Variants in ATP6V0A4 observed in about 807,000 individuals in gnomAD.
The protein encoded by ATP6V0A4 is ATPase H+ transporting V0 subunit a4.
A neutral mutation model predicts 107.3 loss-of-function variants in ATP6V0A4; 86 were observed. That is an observed-to-expected ratio of 0.80 (90% CI 0.67 to 0.96). The LOEUF (loss-of-function observed/expected upper bound fraction) is 0.96. Ranked by LOEUF, ATP6V0A4 falls within the 40% of genes least tolerant of loss-of-function variation. The pLI, the probability that ATP6V0A4 is intolerant of heterozygous loss-of-function variation, is 0.00. For synonymous variants in ATP6V0A4, 353 were observed against 381.4 expected (o/e 0.93, Z 0.87); for missense variants, 908 against 1,045.6 (o/e 0.87, Z 1.81).
chr7:138,740,121 G>C lies in ATP6V0A4; in HGVS notation c.1479-488C>G, dbSNP rs562326360. Among the ~76,000 whole-genome samples the C allele has an allele frequency of 5.9e-5, 9 of 151,436 alleles. No homozygotes were observed. In the East Asian group the frequency reaches 1.4e-3, roughly 23 times the overall value. On this transcript the variant is annotated intron_variant, in intron 14 of 21. Coordinates refer to ENST00000310018, the MANE Select transcript of ATP6V0A4 (RefSeq NM_020632.3). ...AGGAAAAAAAAAAAAAAGGGAGAAGGGGGAGAGGGGACAGAAGGGGAAAGG... is the reference window on the plus strand; with the variant it reads ...AGGAAAAAAAAAAAAAAGGGAGAAGCGGGAGAGGGGACAGAAGGGGAAAGG...
chr7:138,752,000 G>A (rs1311244266), intron 11 of ATP6V0A4, among the ~76,000 whole-genome samples: 1 of 151,988 alleles, frequency 6.6e-6, no homozygotes. Context: ...GTGTCATAGC[G>A]AGGTCCCCAT....
At chr7:138,755,883 G>A in intron 9 of ATP6V0A4, 101 bp from the exon 10 acceptor site, 1 of 1,544,246 alleles carries the variant, frequency 6.5e-7, no homozygotes. Flanking sequence ...TTAGTTAGAT[G>A]GCCAGCCTAT....
At chr7:138,784,323 T>TATATGTA (rs1491339515) in intron 2 of ATP6V0A4, among the ~76,000 whole-genome samples, 6 of 112,196 alleles carry the variant, frequency 5.3e-5, no homozygotes, top group African/African-American at 2.9e-4. Context: ...TATATATGTA[T>TATATGTA]TTTTTTTTTT....
chr7:138,797,977 A>G (rs1309773215), intron 1 of ATP6V0A4, 57 bp downstream of exon 1: 1 of 1,544,568 alleles, frequency 6.5e-7, no homozygotes. Context: ...AACACCCAGC[A>G]TAAGTTCACC....
At chr7:138,752,241 G>T (rs441528) in intron 11 of ATP6V0A4, among the ~76,000 whole-genome samples, 92,026 of 151,660 alleles carry the variant, frequency 0.61, 27,938 homozygotes, top group African/African-American at 0.62. Flanking sequence ...GTGGTAGGGC[G>T]CACCTGTAAT....
intron 18 of ATP6V0A4, among the ~76,000 whole-genome samples, chr7:138,725,883 C>T (rs973242866): frequency 3.9e-5 from 6 of 152,060 alleles, no homozygotes; most frequent in South Asian, 2.1e-4. Flanking sequence ...GTTCATGCTG[C>T]GATACTTCAT....
In ATP6V0A4 at chr7:138,713,017, G is replaced by A. The variant is rs149242442; in HGVS notation, c.2257+2747C>T. Among the ~76,000 whole-genome samples, 1,081 of 152,110 alleles carry A rather than the reference G, an allele frequency of 7.1e-3. 12 individuals are homozygous for A. Among genetic ancestry groups the A allele is most frequent in the African/African-American group, 0.024 (977 of 41,500 alleles). On this transcript the variant is annotated intron_variant, in intron 20 of 21. Transcript: ENST00000310018. ...CAGGAGTAAAGACATGCGGCCGGGC[G>A]CGGTGGCTCACGCCTGTAATTCCAG...
intron 11 of ATP6V0A4, among the ~76,000 whole-genome samples, chr7:138,751,503 C>T (rs1371652128): frequency 6.6e-6 from 1 of 151,432 alleles, no homozygotes; most frequent in Non-Finnish European, 1.5e-5. Flanking sequence ...CCCCACTCTC[C>T]ATCCTGCCCC....
At chr7:138,748,251 T>C (rs1806055786) in intron 12 of ATP6V0A4, among the ~76,000 whole-genome samples, 1 of 152,098 alleles carries the variant, frequency 6.6e-6, no homozygotes, top group Admixed American at 6.6e-5. Flanking sequence ...ACCATTCACA[T>C]GCACCACACA....
rs754249180 is a variant in ATP6V0A4 at position 138,747,560 on chromosome 7, G to A, written c.1185C>T (p.Pro395=). 10 of 1,613,894 alleles carry A rather than the reference G, an allele frequency of 6.2e-6. No individual in the cohort carries two copies. The South Asian group carries it at 9.9e-5, about 16-fold the overall frequency. ...GGAAGGGGAAAGTGATGATGGTGTA[G>A]GGGGCTGCGGAGGGGAGACACACAA... ...VGSYREINPA[P]YTIITFPFLF... is the part of the protein sequence containing the mutation. Residue 395 remains proline (P), a synonymous_variant, in exon 13 of 22, where the codon CCC becomes CCT. Transcript: ENST00000310018.
In ATP6V0A4 at chr7:138,717,327, CA is replaced by C. The variant is rs1438488616; in HGVS notation, c.2140-1447del. 3.3e-5 allele frequency among the ~76,000 whole-genome samples: 5 copies of C among 150,758 alleles called. No individual in the cohort carries two copies. In the East Asian group the frequency reaches 1.0e-3, roughly 30 times the overall value. ...CCTCGGGAGACCAAGGCAGGTGGAT[CA>C]CAAGGTCAAGAGATCGAGACCATCC... On this transcript the variant is annotated intron_variant, in intron 19 of 21. Coordinates refer to ENST00000310018, the MANE Select transcript of ATP6V0A4 (RefSeq NM_020632.3).
At chr7:138,770,245 GGA>G (rs1807313012) in intron 3 of ATP6V0A4, among the ~76,000 whole-genome samples, 2 of 151,396 alleles carry the variant, frequency 1.3e-5, no homozygotes, top group African/African-American at 4.9e-5. Context: ...AAGGAAGGAA[GGA>G]AGAGAGGGAG....
At chr7:138,755,880 G>A in intron 9 of ATP6V0A4, 98 bp from the exon 10 acceptor site, 1 of 1,547,324 alleles carries the variant, frequency 6.5e-7, no homozygotes, top group Non-Finnish European at 8.7e-7. Flanking sequence ...ACTTTAGTTA[G>A]ATGGCCAGCC....
At chr7:138,763,977 T>A (rs10237651) in intron 5 of ATP6V0A4, among the ~76,000 whole-genome samples, 57,132 of 133,656 alleles carry the variant, frequency 0.43, 12,002 homozygotes, top group African/African-American at 0.59. Flanking sequence ...AAAAAAAAAA[T>A]ATATATATAT....
intron 2 of ATP6V0A4, among the ~76,000 whole-genome samples, chr7:138,780,661 C>T (rs1273627907): frequency 6.6e-6 from 1 of 152,126 alleles, no homozygotes; most frequent in Non-Finnish European, 1.5e-5. Context: ...TGTTCATGAG[C>T]CCATTAGGCA....
intron 15 of ATP6V0A4, 197 bp from the exon 16 acceptor site, chr7:138,734,451 G>A (rs955739300): frequency 2.9e-6 from 1 of 341,110 alleles, no homozygotes; most frequent in Non-Finnish European, 4.1e-6. Context: ...CAACTTTAAT[G>A]ACAAAAGTAA....
chr7:138,723,057 A>C (rs1482192153), intron 18 of ATP6V0A4, among the ~76,000 whole-genome samples: 1 of 149,540 alleles, frequency 6.7e-6, no homozygotes. Flanking sequence ...GACTGTCTCA[A>C]AAAAAAAAAA....
rs2117246754 is a variant in ATP6V0A4, at chr7:138,735,817, T to C, written c.1573-1563A>G. Among the ~76,000 whole-genome samples, 3 of 152,392 alleles carry C rather than the reference T, an allele frequency of 2.0e-5. No individual in the cohort carries two copies. In the South Asian group the frequency reaches 6.2e-4, roughly 32 times the overall value. ...CCAGCCAAATCTGACACATTAAAAA[T>C]GTTGGCCAGGTGCAGTGGCTCACGC... On this transcript the variant is annotated intron_variant, in intron 15 of 21. Coordinates refer to ENST00000310018, the MANE Select transcript of ATP6V0A4 (RefSeq NM_020632.3).
intron 15 of ATP6V0A4, among the ~76,000 whole-genome samples, chr7:138,735,062 C>T (rs1249842238): frequency 6.6e-6 from 1 of 152,138 alleles, no homozygotes; most frequent in African/African-American, 2.4e-5. Context: ...AACAGCACTG[C>T]CAGGTGGGGA....
Sources: gnomAD v4.1 joint callset for allele counts (sites outside exome capture counted in the v4.1 genomes callset) on GRCh38, gnomAD v4.1.1 for gene constraint, MANE v1.5 for transcripts, NCBI Gene and HGNC (gene_info 2026-07-23, HGNC 2026-07-21) for gene names.